The following FIGN variants were observed in gnomAD, a reference collection of about 807,000 sequenced individuals.
The protein encoded by FIGN is fidgetin, microtubule severing factor.
In FIGN, 11 loss-of-function variants were observed where a neutral mutation model predicts 51.3. That is an observed-to-expected ratio of 0.21 (90% CI 0.13 to 0.35). The LOEUF is 0.35. Among genes scored for constraint, FIGN ranks in the 10% least tolerant of loss-of-function variants. FIGN has a pLI of 1.00. For synonymous variants in FIGN, 407 were observed against 363.2 expected (o/e 1.12, Z -1.37); for missense variants, 857 against 943.6 (o/e 0.91, Z 1.20).
intron 2 of FIGN, among the ~76,000 whole-genome samples, chr2:163,707,386 C>G (rs949886976): frequency 7.2e-5 from 11 of 151,858 alleles, no homozygotes; most frequent in African/African-American, 2.7e-4. Flanking sequence ...AAAAACACTC[C>G]TCAATAGTAT....
rs752062335 is a variant in FIGN, at chr2:163,609,829, T to C, written c.2003A>G (p.Gln668Arg). ...RHQIIVQLLS[Q>R]HNYCLNDKEF... is the part of the protein sequence containing the mutation. ...CTTGTCATTGAGACAGTAATTGTGC[T>C]GTGAGAGCAGTTGTACTATTATCTG... Residue 668 changes from glutamine (Q) to arginine (R), a missense_variant, in exon 3 of 3, where the codon CAG (glutamine) becomes CGG (arginine). By Grantham distance (43) the Gln-to-Arg change is conservative. This residue lies in a region of FIGN where 799 missense variants were observed against 849.5 expected (regional missense o/e 0.94). Transcript: ENST00000333129. 6.2e-7 allele frequency: 1 copy of C among 1,614,206 alleles called. No homozygotes were observed. The highest frequency in any genetic ancestry group is 1.3e-5 in the African/African-American group (1 of 75,062).
At chr2:163,649,845 G>A (rs546904753) in intron 2 of FIGN, among the ~76,000 whole-genome samples, 1 of 152,264 alleles carries the variant, frequency 6.6e-6, no homozygotes, top group East Asian at 1.9e-4. Flanking sequence ...TTATCCCTGC[G>A]GAGCATGGAA....
At chr2:163,732,106 G>C (rs977068861) in intron 2 of FIGN, among the ~76,000 whole-genome samples, 1 of 152,050 alleles carries the variant, frequency 6.6e-6, no homozygotes, top group African/African-American at 2.4e-5. Flanking sequence ...GTTTCAACTT[G>C]GTCATTTTCC....
At chr2:163,632,502 C>T (rs1229456149) in intron 2 of FIGN, among the ~76,000 whole-genome samples, 2 of 152,202 alleles carry the variant, frequency 1.3e-5, no homozygotes, top group Non-Finnish European at 2.9e-5. Flanking sequence ...GGAGTACATA[C>T]ATTGAGGTCA....
chr2:163,668,109 T>C (rs1683814100), intron 2 of FIGN, among the ~76,000 whole-genome samples: 1 of 145,174 alleles, frequency 6.9e-6, no homozygotes. Flanking sequence ...TATAATAGAA[T>C]GGAGAATGAC....
chr2:163,630,118 C>A (rs75244806), intron 2 of FIGN, among the ~76,000 whole-genome samples: 3,745 of 151,442 alleles, frequency 0.025, 96 homozygotes, highest in African/African-American at 0.06. Flanking sequence ...GCACATGCTA[C>A]CCATGCCTAG....
intron 2 of FIGN, among the ~76,000 whole-genome samples, chr2:163,666,370 G>A (rs1177304501): frequency 1.3e-5 from 2 of 152,144 alleles, no homozygotes; most frequent in African/African-American, 2.4e-5. Context: ...CAAAGCAGAA[G>A]CTGTCTCCTC....
At chr2:163,722,597 A>T (rs1167607857) in intron 2 of FIGN, among the ~76,000 whole-genome samples, 1 of 152,180 alleles carries the variant, frequency 6.6e-6, no homozygotes, top group South Asian at 2.1e-4. Flanking sequence ...TACACCTATA[A>T]TCAAAGTAGT....
rs1691214327 is a variant in FIGN at position 163,610,384 on chromosome 2, A to G, written c.1448T>C (p.Val483Ala). 2 of 1,614,106 alleles carry G rather than the reference A, an allele frequency of 1.2e-6. No homozygotes were observed. Among genetic ancestry groups the G allele is most frequent in the African/African-American group, 2.7e-5 (2 of 75,008 alleles). ...TNEIITQGPP[V>A]DWNDIAGLDL... ...GAGACCAGCAATGTCATTCCAGTCC[A>G]CTGGAGGTCCTTGGGTGATAATCTC... Residue 483 changes from valine (V) to alanine (A), a missense_variant, in exon 3 of 3, where the codon GTG becomes GCG. Coordinates refer to ENST00000333129, the MANE Select transcript of FIGN (RefSeq NM_018086.4).
chr2:163,715,200 C>A (rs902409997), intron 2 of FIGN, among the ~76,000 whole-genome samples: 1 of 152,108 alleles, frequency 6.6e-6, no homozygotes, highest in Non-Finnish European at 1.5e-5. Flanking sequence ...GAGGAGTCTG[C>A]AGTTATGGGA....
chr2:163,691,640 T>C (rs1684241350), intron 2 of FIGN, among the ~76,000 whole-genome samples: 1 of 152,176 alleles, frequency 6.6e-6, no homozygotes, highest in Non-Finnish European at 1.5e-5. Flanking sequence ...TGAGTGGTTA[T>C]GCACTTCAAT....
At chr2:163,619,098 C>G (rs954485980) in intron 2 of FIGN, among the ~76,000 whole-genome samples, 2 of 152,028 alleles carry the variant, frequency 1.3e-5, no homozygotes, top group African/African-American at 4.8e-5. Context: ...CCCTTTTGCT[C>G]TAATTTGTCA....
At chr2:163,616,265 A>C (rs192037323) in intron 2 of FIGN, among the ~76,000 whole-genome samples, 1 of 152,312 alleles carries the variant, frequency 6.6e-6, no homozygotes, top group East Asian at 1.9e-4. Context: ...CACAGCTATA[A>C]AATTTTAAAC....
intron 2 of FIGN, among the ~76,000 whole-genome samples, chr2:163,670,383 C>T (rs908902401): frequency 1.3e-5 from 2 of 152,046 alleles, no homozygotes; most frequent in Non-Finnish European, 2.9e-5. Flanking sequence ...AAATAGCTAC[C>T]CACTGGAGTT....
In FIGN at chr2:163,682,309, T is replaced by C. The variant is rs553472321; in HGVS notation, c.25+52594A>G. Among the ~76,000 whole-genome samples, 155 of 152,342 alleles carry C rather than the reference T, an allele frequency of 1.0e-3. 1 individual carries two copies. Among genetic ancestry groups the C allele is most frequent in the African/African-American group, 3.7e-3 (152 of 41,580 alleles). On this transcript the variant is annotated intron_variant, in intron 2 of 2. Transcript: ENST00000333129. ...AAATTCAACTTCATATTTTGGGATA[T>C]GATATTTGATTCTAGTGAGTTTTAA...
At chr2:163,648,779 A>G (rs2105320430) in intron 2 of FIGN, among the ~76,000 whole-genome samples, 1 of 152,332 alleles carries the variant, frequency 6.6e-6, no homozygotes, top group African/African-American at 2.4e-5. Flanking sequence ...TACCGTAAAC[A>G]CTTTTGTTTT....
At chr2:163,654,108 G>A (rs1407676357) in intron 2 of FIGN, among the ~76,000 whole-genome samples, 1 of 151,952 alleles carries the variant, frequency 6.6e-6, no homozygotes, top group Admixed American at 6.6e-5. Context: ...GGAGGAAGAT[G>A]GAAAATAAGA....
intron 2 of FIGN, among the ~76,000 whole-genome samples, chr2:163,718,090 G>A (rs1684697974): frequency 6.6e-6 from 1 of 152,068 alleles, no homozygotes; most frequent in Admixed American, 6.6e-5. Flanking sequence ...AAGGATTCAT[G>A]GTCCTTCATC....
intron 2 of FIGN, among the ~76,000 whole-genome samples, chr2:163,728,185 C>A (rs1177065939): frequency 6.6e-6 from 1 of 152,096 alleles, no homozygotes; most frequent in African/African-American, 2.4e-5. Flanking sequence ...CCCTTCCTGT[C>A]ACTCAATGAG....
Sources: gnomAD v4.1 joint callset for allele counts (sites outside exome capture counted in the v4.1 genomes callset) on GRCh38, gnomAD v4.1.1 for gene constraint, gnomAD v4.1.1 regional missense constraint, MANE v1.5 for transcripts, NCBI Gene and HGNC (gene_info 2026-07-23, HGNC 2026-07-21) for gene names.